CACNB2: variants seen among roughly 807,000 people sequenced by gnomAD.
The protein encoded by CACNB2 is calcium voltage-gated channel auxiliary subunit beta 2.
In CACNB2, 42 loss-of-function variants were observed where a neutral mutation model predicts 73.3. The observed-to-expected ratio is 0.57, with a 90% CI of 0.45 to 0.74. The LOEUF (loss-of-function observed/expected upper bound fraction) is 0.74, where lower values mean the gene tolerates loss of function less well. CACNB2 is among the 30% of genes least tolerant of loss of function. The pLI is 0.00. For missense variants in CACNB2, 940 were observed against 853.0 expected (o/e 1.10, Z -1.27); for synonymous variants, 348 against 310.3 (o/e 1.12, Z -1.28).
chr10:18,355,761 G>A (rs1438767574), intron 2 of CACNB2, among the ~76,000 whole-genome samples: 5 of 151,158 alleles, frequency 3.3e-5, no homozygotes, highest in African/African-American at 7.3e-5. Context: ...TCAGCCTCCC[G>A]AGTAGCTGGG....
chr10:18,286,410 C>T lies in CACNB2; in HGVS notation c.214-115514C>T, dbSNP rs190277537. On this transcript the variant is annotated intron_variant, in intron 2 of 13. Transcript: ENST00000324631. ...GCGGGCGCCTGTAGTCCCAGCTACT[C>T]GGGAGGCTGAGGCAGGAAAATGGCG... Among the ~76,000 whole-genome samples, 5 of 148,546 alleles carry T rather than the reference C, an allele frequency of 3.4e-5. No individual in the cohort carries two copies. The East Asian group carries it at 6.3e-4, about 19-fold the overall frequency.
At chr10:18,460,452 G>A (rs1331067656) in intron 3 of CACNB2, among the ~76,000 whole-genome samples, 1 of 152,084 alleles carries the variant, frequency 6.6e-6, no homozygotes. Context: ...AATATGTGTA[G>A]GGATATTTCA....
chr10:18,536,876 CTGAGACATTT>C (rs1184138932), intron 12 of CACNB2, among the ~76,000 whole-genome samples: 1 of 152,212 alleles, frequency 6.6e-6, no homozygotes, highest in Admixed American at 6.5e-5. Flanking sequence ...TAATAACTGT[CTGAGACATTT>C]ATTTTCACAT....
intron 2 of CACNB2, among the ~76,000 whole-genome samples, chr10:18,293,825 T>C (rs1360487859): frequency 6.6e-6 from 1 of 152,218 alleles, no homozygotes; most frequent in African/African-American, 2.4e-5. Context: ...GGTCCAATCA[T>C]TCATGTTAAT....
intron 3 of CACNB2, among the ~76,000 whole-genome samples, chr10:18,426,138 A>G (rs1184500928): frequency 6.6e-6 from 1 of 152,238 alleles, no homozygotes; most frequent in African/African-American, 2.4e-5. Flanking sequence ...AGAAAAAGAA[A>G]AAACACAAAC....
chr10:18,237,698 A>G (rs891849660), intron 2 of CACNB2, among the ~76,000 whole-genome samples: 11 of 152,228 alleles, frequency 7.2e-5, no homozygotes, highest in Non-Finnish European at 1.2e-4. Context: ...CTTCAGGTGC[A>G]TCAACAAAGA....
chr10:18,267,475 G>A (rs1368002331), intron 2 of CACNB2, among the ~76,000 whole-genome samples: 2 of 151,900 alleles, frequency 1.3e-5, no homozygotes, highest in African/African-American at 4.8e-5. Flanking sequence ...GTGTGGTGGC[G>A]GGCACCTGTA....
intron 9 of CACNB2, chr10:18,520,119 T>G (rs2051702941): frequency 1.0e-5 from 2 of 192,218 alleles, no homozygotes; most frequent in South Asian, 2.1e-4. Context: ...TAAATTCCAT[T>G]CCTTTGCCAG....
intron 2 of CACNB2, among the ~76,000 whole-genome samples, chr10:18,196,403 A>G (rs1460324326): frequency 1.4e-5 from 2 of 147,960 alleles, no homozygotes; most frequent in African/African-American, 5.0e-5. Context: ...TGCAGCCTCC[A>G]CCTCCTGGAC....
chr10:18,293,980 T>TG (rs111567542), intron 2 of CACNB2, among the ~76,000 whole-genome samples: 36 of 152,324 alleles, frequency 2.4e-4, no homozygotes, highest in African/African-American at 8.4e-4. Context: ...TGAAGTGAAA[T>TG]GTATCTGGTC....
intron 2 of CACNB2, among the ~76,000 whole-genome samples, chr10:18,385,612 C>T (rs2043198302): frequency 1.4e-5 from 2 of 139,386 alleles, no homozygotes; most frequent in African/African-American, 5.4e-5. Context: ...CACTGCACTC[C>T]AGCCTGGGTG....
At chr10:18,440,350 GGAT>G (rs1251498755) in intron 3 of CACNB2, among the ~76,000 whole-genome samples, 1 of 152,190 alleles carries the variant, frequency 6.6e-6, no homozygotes, top group African/African-American at 2.4e-5. Context: ...AAGGTAAAGA[GGAT>G]GAGGAGTTGG....
intron 3 of CACNB2, among the ~76,000 whole-genome samples, chr10:18,482,959 GCTCATCTGTGCCTTC>G (rs2048863601): frequency 6.6e-6 from 1 of 152,134 alleles, no homozygotes; most frequent in Non-Finnish European, 1.5e-5. Flanking sequence ...CATATATTCA[GCTCATCTGTGCCTTC>G]CTCCCGTGTC....
In CACNB2 at chr10:18,214,610, G is replaced by C. The variant is rs1486391907; in HGVS notation, c.213+63635G>C. ...CCACTGCATTACAGCCTGGGCAATG[G>C]AGTGAGACTCCATCTCAAAAAAAAA... is the stretch of plus-strand genomic sequence containing the variant. On this transcript the variant is annotated intron_variant, in intron 2 of 13. Coordinates refer to ENST00000324631, the MANE Select transcript of CACNB2 (RefSeq NM_201596.3). Among the ~76,000 whole-genome samples the C allele has an allele frequency of 2.4e-4, 4 of 16,560 alleles. 1 individual carries two copies. Among genetic ancestry groups the C allele is most frequent in the Non-Finnish European group, 1.2e-3 (3 of 2,606 alleles). 10.9% of individuals were successfully genotyped at this position (16,560 alleles called of 152,430 possible).
Position 18,261,662 on chromosome 10 carries a change from G to A in CACNB2, c.213+110687G>A, listed in dbSNP as rs929774554. Among the ~76,000 whole-genome samples the A allele has an allele frequency of 2.0e-5, 3 of 152,046 alleles. No individual in the cohort carries two copies. The South Asian group carries it at 6.3e-4, about 32-fold the overall frequency. On this transcript the variant is annotated intron_variant, in intron 2 of 13. Coordinates refer to ENST00000324631, the MANE Select transcript of CACNB2 (RefSeq NM_201596.3). Reference sequence around the variant, plus strand: ...CTAGAGTAGTCCTGTTTTCATATTTGAATGATGGGATGGTGGGGGGAAGAA... The same window carrying A: ...CTAGAGTAGTCCTGTTTTCATATTTAAATGATGGGATGGTGGGGGGAAGAA...
chr10:18,243,599 T>A (rs2036745697), intron 2 of CACNB2, among the ~76,000 whole-genome samples: 1 of 152,146 alleles, frequency 6.6e-6, no homozygotes, highest in African/African-American at 2.4e-5. Flanking sequence ...TTCTTATGAA[T>A]AGATTAATGC....
At chr10:18,470,768 T>G (rs2048146306) in intron 3 of CACNB2, among the ~76,000 whole-genome samples, 1 of 152,150 alleles carries the variant, frequency 6.6e-6, no homozygotes, top group Non-Finnish European at 1.5e-5. Context: ...AGATGTTTGT[T>G]GCAATCTTTC....
chr10:18,174,585 G>A lies in CACNB2; in HGVS notation c.213+23610G>A, dbSNP rs532311921. The stretch of plus-strand genomic sequence containing the variant: ...TGCCCAGCTAATTTTTGTATTTTTA[G>A]TAGAGACGGGGTTTCACCATGTTGG... On this transcript the variant is annotated intron_variant, in intron 2 of 13. Coordinates refer to ENST00000324631, the MANE Select transcript of CACNB2 (RefSeq NM_201596.3). 3.2e-3 allele frequency among the ~76,000 whole-genome samples: 484 copies of A among 151,884 alleles called. 2 individuals carry two copies. Among genetic ancestry groups the A allele is most frequent in the African/African-American group, 0.011 (467 of 41,390 alleles).
At chr10:18,513,556 T>C (rs767261466) in intron 6 of CACNB2, 19 of 395,350 alleles carry the variant, frequency 4.8e-5, no homozygotes, top group Admixed American at 1.3e-4. Context: ...CTGGGCCAAA[T>C]GCATTGTTGA....
Sources: allele counts gnomAD v4.1 joint callset (sites outside exome capture counted in the v4.1 genomes callset), GRCh38; gene constraint gnomAD v4.1.1; transcripts MANE v1.5; gene names NCBI Gene and HGNC (gene_info 2026-07-23, HGNC 2026-07-21).